Variants in DOCK3 observed in about 807,000 individuals in gnomAD.
DOCK3 encodes the protein dedicator of cytokinesis protein 3.
DOCK3 carries 60 observed loss-of-function variants against 265.6 expected under a neutral mutation model. The ratio of observed to expected loss-of-function variants is 0.23; its 90% CI spans 0.18 to 0.28. DOCK3 has a LOEUF of 0.28. Among genes scored for constraint, DOCK3 ranks in the 10% least tolerant of loss-of-function variants. DOCK3 has a pLI of 1.00. For missense variants in DOCK3, 1,981 were observed against 2,594.3 expected (o/e 0.76, Z 5.14); for synonymous variants, 881 against 938.0 (o/e 0.94, Z 1.11).
intron 32 of DOCK3, among the ~76,000 whole-genome samples, chr3:51,319,662 C>T (rs1174378185): frequency 6.6e-6 from 1 of 151,980 alleles, no homozygotes; most frequent in Non-Finnish European, 1.5e-5. Context: ...GTCAAGAGAT[C>T]CAGACCATCC....
At chr3:51,312,129 G>A in intron 29 of DOCK3, 50 bp downstream of exon 29, 1 of 1,495,628 alleles carries the variant, frequency 6.7e-7, no homozygotes, top group Non-Finnish European at 9.1e-7. Flanking sequence ...ACCTTAGAAA[G>A]CCAAAACCAA....
At chr3:50,978,062 T>G (rs2077534217) in intron 5 of DOCK3, among the ~76,000 whole-genome samples, 1 of 152,020 alleles carries the variant, frequency 6.6e-6, no homozygotes, top group African/African-American at 2.4e-5. Context: ...TTTTTCAAAG[T>G]TTTCAACTTC....
At chr3:50,934,909 A>G (rs1436243895) in intron 5 of DOCK3, among the ~76,000 whole-genome samples, 1 of 152,226 alleles carries the variant, frequency 6.6e-6, no homozygotes, top group Non-Finnish European at 1.5e-5. Flanking sequence ...CTTTACTTCT[A>G]CTAATCACAA....
intron 35 of DOCK3, among the ~76,000 whole-genome samples, chr3:51,334,383 AG>A (rs2110010259): frequency 6.6e-6 from 1 of 152,330 alleles, no homozygotes; most frequent in South Asian, 2.1e-4. Flanking sequence ...ATGCCAAATG[AG>A]GGGAGCATTT....
chr3:50,676,987 G>T (rs2034014455), intron 1 of DOCK3, among the ~76,000 whole-genome samples: 1 of 152,180 alleles, frequency 6.6e-6, no homozygotes, highest in Non-Finnish European at 1.5e-5. Context: ...AGGTAATCAA[G>T]ATAGGTACAT....
At chr3:50,925,554 C>T (rs558988805) in intron 4 of DOCK3, among the ~76,000 whole-genome samples, 3 of 150,374 alleles carry the variant, frequency 2.0e-5, no homozygotes, top group Non-Finnish European at 4.4e-5. Flanking sequence ...ACTCTGCCTC[C>T]TTAAAAAAAA....
At chr3:51,165,908 A>T (rs2086380598) in intron 12 of DOCK3, among the ~76,000 whole-genome samples, 1 of 151,674 alleles carries the variant, frequency 6.6e-6, no homozygotes, top group Non-Finnish European at 1.5e-5. Context: ...AGTAAATATA[A>T]TTACATTGGG....
intron 4 of DOCK3, among the ~76,000 whole-genome samples, chr3:50,916,636 G>A (rs944241027): frequency 4.6e-5 from 7 of 151,866 alleles, no homozygotes; most frequent in South Asian, 2.1e-4. Context: ...GTGAAACCCC[G>A]TCTCTGGTAA....
Position 51,075,345 on chromosome 3 carries a change from C to G in DOCK3, c.465-11C>G. ...ACATGGCATACTGAGTGTGGTCTTTCTCTTTACTAGACATTTGGGCCTGGA... is the reference window on the plus strand; with the variant it reads ...ACATGGCATACTGAGTGTGGTCTTTGTCTTTACTAGACATTTGGGCCTGGA... On this transcript the variant is annotated splice_polypyrimidine_tract_variant and intron_variant, in intron 6 of 52. Coordinates refer to ENST00000266037, the MANE Select transcript of DOCK3 (RefSeq NM_004947.5). 1 of 1,604,904 alleles carries G rather than the reference C, an allele frequency of 6.2e-7. No individual in the cohort carries two copies. The highest frequency in any genetic ancestry group is 1.1e-5 in the South Asian group (1 of 88,746).
At position 51,016,599 on chromosome 3, in the gene DOCK3, GAT is replaced by G. The variant is rs1167864774; in HGVS notation, c.316-47840_316-47839del. ...TTTATATATATCATATATTATATATGATATATATATTATATATTTATATATAT... is the reference window on the plus strand; with the variant it reads ...TTTATATATATCATATATTATATATGATATATATTATATATTTATATATAT... On this transcript the variant is annotated intron_variant, in intron 5 of 52. Coordinates refer to ENST00000266037, the MANE Select transcript of DOCK3 (RefSeq NM_004947.5). 9.1e-3 allele frequency among the ~76,000 whole-genome samples: 632 copies of G among 69,126 alleles called. 16 individuals carry two copies. The highest frequency in any genetic ancestry group is 0.051 in the East Asian group (138 of 2,684). 45.3% of individuals were successfully genotyped at this position (69,126 alleles called of 152,430 possible). A position where few individuals can be genotyped will look rare whatever the true frequency, so the allele number is the denominator to read the frequency against.
intron 4 of DOCK3, chr3:50,901,609 C>T (rs762691095): frequency 2.5e-4 from 113 of 452,498 alleles, no homozygotes; most frequent in Non-Finnish European, 4.5e-4. Context: ...TGTAGGCACC[C>T]GAGGGAATCT....
intron 1 of DOCK3, among the ~76,000 whole-genome samples, chr3:50,716,506 C>T (rs747812617): frequency 1.2e-4 from 18 of 150,776 alleles, no homozygotes; most frequent in Non-Finnish European, 1.8e-4. Context: ...CCAGCCTGGG[C>T]GACAGAGCGA....
chr3:50,823,151 T>A (rs890502601), intron 2 of DOCK3, among the ~76,000 whole-genome samples: 2 of 151,314 alleles, frequency 1.3e-5, no homozygotes, highest in African/African-American at 4.8e-5. Flanking sequence ...ATTTTTATTT[T>A]ATTTATTTAT....
chr3:51,128,173 G>A (rs1275033294), intron 9 of DOCK3, among the ~76,000 whole-genome samples: 2 of 152,158 alleles, frequency 1.3e-5, no homozygotes, highest in Non-Finnish European at 2.9e-5. Flanking sequence ...AATGCTGTGG[G>A]AACAAGAAGC....
chr3:51,276,354 G>A, intron 25 of DOCK3: 1 of 985,322 alleles, frequency 1.0e-6, no homozygotes, highest in Non-Finnish European at 1.2e-6. Flanking sequence ...CATAGCCCAA[G>A]GTTGTATTGA....
intron 21 of DOCK3, among the ~76,000 whole-genome samples, chr3:51,237,991 T>G (rs541257992): frequency 5.9e-5 from 9 of 152,144 alleles, no homozygotes; most frequent in Non-Finnish European, 1.0e-4. Context: ...GTAATCACAA[T>G]ATTTGTCCTT....
At chr3:51,139,409 A>G (rs1225957136) in intron 9 of DOCK3, among the ~76,000 whole-genome samples, 1 of 152,056 alleles carries the variant, frequency 6.6e-6, no homozygotes, top group Non-Finnish European at 1.5e-5. Context: ...GTGCTATCTC[A>G]TTTGCTCCCT....
chr3:50,905,571 A>G (rs1175127116), intron 4 of DOCK3, among the ~76,000 whole-genome samples: 4 of 151,924 alleles, frequency 2.6e-5, no homozygotes, highest in African/African-American at 9.7e-5. Context: ...TTTGTCTGTT[A>G]TTGGTGTAGA....
At chr3:51,187,140 A>G (rs574793167) in intron 12 of DOCK3, among the ~76,000 whole-genome samples, 2 of 152,196 alleles carry the variant, frequency 1.3e-5, no homozygotes, top group Non-Finnish European at 2.9e-5. Context: ...GAGAGGGGCT[A>G]TACCCTGCAA....
Sources: allele counts gnomAD v4.1 joint callset (sites outside exome capture counted in the v4.1 genomes callset), GRCh38; gene constraint gnomAD v4.1.1; transcripts MANE v1.5; gene names NCBI Gene and HGNC (gene_info 2026-07-23, HGNC 2026-07-21).